EMX1: variants seen among roughly 807,000 people sequenced by gnomAD.
EMX1 encodes empty spiracles homeobox 1, also known as homeobox protein EMX1.
EMX1 carries 10 observed loss-of-function variants against 20.1 expected under a neutral mutation model. That is an observed-to-expected ratio of 0.50 (90% CI 0.31 to 0.84). The LOEUF (loss-of-function observed/expected upper bound fraction) is 0.84. Ranked by LOEUF, EMX1 falls within the 40% of genes least tolerant of loss-of-function variation. EMX1 has a pLI of 0.05. For synonymous variants in EMX1, 250 were observed against 200.4 expected (o/e 1.25, Z -2.09); for missense variants, 424 against 431.9 (o/e 0.98, Z 0.16).
rs1039535488 is a variant in EMX1, at chr2:72,918,034, G to A, written c.182G>A (p.Gly61Asp). 4 of 1,418,380 alleles carry A rather than the reference G, an allele frequency of 2.8e-6. No homozygotes were observed. Among genetic ancestry groups the A allele is most frequent in the Non-Finnish European group, 3.7e-6 (4 of 1,095,634 alleles). 87.9% of individuals were successfully genotyped at this position (1,418,380 alleles called of 1,614,324 possible). ...KDGGTGGGTG[G>D]GGAGSHLLAA... ...GGCGGCACCGGCGGGGGCACTGGCG[G>A]CGGGGGCGCGGGCTCCCATCTCCTG... The change falls in exon 1 of 3, where the codon GGC becomes GAC. Residue 61 changes from glycine (G) to aspartate (D), a missense_variant. Physicochemically the swap from Gly to Asp is moderately conservative, Grantham distance 94. Transcript: ENST00000258106.
At chr2:72,925,519 C>CGAG (rs755958989) in intron 2 of EMX1, 261 of 1,288,660 alleles carry the variant, frequency 2.0e-4, no homozygotes, top group Admixed American at 2.5e-4. Context: ...TGCGTGCCGG[C>CGAG]CGGCTCCCAG....
At chr2:72,924,219 C>T in intron 1 of EMX1, 90 bp from the exon 2 acceptor site, 1 of 1,484,358 alleles carries the variant, frequency 6.7e-7, no homozygotes, top group East Asian at 2.5e-5. Context: ...GGGAGCAGGG[C>T]GCGAGGCCAG....
At chr2:72,927,644 C>T (rs1477916224) in intron 2 of EMX1, among the ~76,000 whole-genome samples, 3 of 152,184 alleles carry the variant, frequency 2.0e-5, no homozygotes, top group Non-Finnish European at 4.4e-5. Context: ...CTTAGGAAGT[C>T]CAGGATAGGG....
In EMX1 at chr2:72,918,281, C is replaced by T. The variant is rs750049034; in HGVS notation, c.429C>T (p.Pro143=). 1 of 1,576,460 alleles carries T rather than the reference C, an allele frequency of 6.3e-7. No homozygotes were observed. The highest frequency in any genetic ancestry group is 2.4e-5 in the East Asian group (1 of 41,722). Residue 143 remains proline, a synonymous_variant, in exon 1 of 3, where the codon CCC becomes CCT. Transcript: ENST00000258106. ...AGCTGGGCGCCTCCCCGCTGCAGCC[C>T]CCGCACTCCTTCTTCGGCGCCCAGC... ...AHQLGASPLQ[P]PHSFFGAQHR...
intron 2 of EMX1, among the ~76,000 whole-genome samples, chr2:72,927,607 A>T (rs973239546): frequency 6.6e-6 from 1 of 152,256 alleles, no homozygotes; most frequent in Admixed American, 6.5e-5. Context: ...TAAAATACAG[A>T]TTCCTGGGTT....
At chr2:72,924,567 G>C in intron 2 of EMX1, 74 bp downstream of exon 2, 1 of 1,446,816 alleles carries the variant, frequency 6.9e-7, no homozygotes, top group Non-Finnish European at 9.1e-7. Context: ...GTGCAGGAGA[G>C]GCCCTGAGCC....
intron 1 of EMX1, among the ~76,000 whole-genome samples, chr2:72,919,586 T>C (rs1269211252): frequency 6.6e-6 from 1 of 152,210 alleles, no homozygotes; most frequent in African/African-American, 2.4e-5. Context: ...AATTATCTCT[T>C]GACACTTTGA....
chr2:72,917,123 T>G (rs919820289), upstream of EMX1: 1 of 616,240 alleles, frequency 1.6e-6, no homozygotes, highest in African/African-American at 1.9e-5. Context: ...GGAAAACCAA[T>G]GTGTTGGACC....
intron 1 of EMX1, 62 bp downstream of exon 1, chr2:72,918,434 G>C: frequency 1.5e-6 from 2 of 1,349,470 alleles, no homozygotes; most frequent in Non-Finnish European, 1.9e-6. Flanking sequence ...GGCGATGCGG[G>C]GGAGGCTCGG....
rs765817538 is a variant in EMX1 at position 72,924,326 on chromosome 2, G to C, written c.538G>C (p.Asp180His). 1 of 1,572,416 alleles carries C rather than the reference G, an allele frequency of 6.4e-7. No individual in the cohort carries two copies. The highest frequency in any genetic ancestry group is 1.3e-5 in the African/African-American group (1 of 74,676). Reference sequence around the variant, plus strand: ...GGCCGCAGCCAGCGACGTGCCCCAGGACGGGCTGCTTCTGCACGGCCCCTT... The same window carrying C: ...GGCCGCAGCCAGCGACGTGCCCCAGCACGGGCTGCTTCTGCACGGCCCCTT... ...HRFQASDVPQDGLLLHGPFAR... is the reference protein window; with the variant it reads ...HRFQASDVPQHGLLLHGPFAR... Residue 180 changes from aspartate (D) to histidine (H), a missense_variant, in exon 2 of 3, where the codon GAC (aspartate) becomes CAC (histidine). Transcript: ENST00000258106.
chr2:72,916,732 G>C (rs1414653311), upstream of EMX1: 1 of 717,250 alleles, frequency 1.4e-6, no homozygotes, highest in Non-Finnish European at 2.6e-6. Flanking sequence ...CAGTGTCTCC[G>C]AGGCCCTGAC....
intron 1 of EMX1, 116 bp from the exon 2 acceptor site, chr2:72,924,193 A>G: frequency 1.5e-6 from 2 of 1,297,892 alleles, no homozygotes; most frequent in Non-Finnish European, 2.1e-6. Context: ...CAAGGAATGG[A>G]GAGGGCAGGG....
intron 1 of EMX1, chr2:72,923,596 T>A (rs1476895995): frequency 6.6e-6 from 1 of 152,440 alleles, no homozygotes; most frequent in Non-Finnish European, 1.5e-5. Context: ...TTCCAGGTGC[T>A]GCCTGGACCA....
rs761699295 is a variant in EMX1 at position 72,918,344 on chromosome 2, G to A, written c.492G>A (p.Arg164=). 1.3e-6 allele frequency: 2 copies of A among 1,508,710 alleles called. No homozygotes were observed. Among genetic ancestry groups the A allele is most frequent in the East Asian group, 5.4e-5 (2 of 37,182 alleles). 93.5% of individuals were successfully genotyped at this position (1,508,710 alleles called of 1,614,324 possible). A position where few individuals can be genotyped will look rare whatever the true frequency, so the allele number is the denominator to read the frequency against. ...DPLHFYPWVL[R]NRFFGHRFQA... Reference sequence around the variant, plus strand: ...TCCATTTCTACCCCTGGGTCCTGCGGAACCGCTTCTTCGGCCACCGCTTCC... The same window carrying A: ...TCCATTTCTACCCCTGGGTCCTGCGAAACCGCTTCTTCGGCCACCGCTTCC... Residue 164 remains arginine, a synonymous_variant, in exon 1 of 3, where the codon CGG becomes CGA. Coordinates refer to ENST00000258106, the MANE Select transcript of EMX1 (RefSeq NM_004097.3).
Position 72,933,957 on chromosome 2 carries a change from T to A in EMX1, c.*3T>A. 6.2e-7 allele frequency: 1 copy of A among 1,614,150 alleles called. No homozygotes were observed. On this transcript the variant is annotated 3_prime_UTR_variant, in exon 3 of 3. Coordinates refer to ENST00000258106, the MANE Select transcript of EMX1 (RefSeq NM_004097.3). ...TCGATGTCACCTCCAATGACTAGGGTGGGCAACCACAAACCCACGAGGGCA... is the reference window on the plus strand; with the variant it reads ...TCGATGTCACCTCCAATGACTAGGGAGGGCAACCACAAACCCACGAGGGCA...
In EMX1 at chr2:72,918,264, G is replaced by A; in HGVS notation, c.412G>A (p.Ala138Thr). The A allele has an allele frequency of 6.3e-7, 1 of 1,576,856 alleles. No individual in the cohort carries two copies. Among genetic ancestry groups the A allele is most frequent in the Non-Finnish European group, 8.5e-7 (1 of 1,172,096 alleles). ...LTVHPAHQLG[A>T]SPLQPPHSFF... ...CGTGCATCCGGCGCACCAGCTGGGCGCCTCCCCGCTGCAGCCCCCGCACTC... is the reference window on the plus strand; with the variant it reads ...CGTGCATCCGGCGCACCAGCTGGGCACCTCCCCGCTGCAGCCCCCGCACTC... The change falls in exon 1 of 3, where the codon GCC (alanine) becomes ACC (threonine). Residue 138 changes from alanine to threonine, a missense_variant. Ala to Thr is a moderately conservative substitution (Grantham distance 58). Coordinates refer to ENST00000258106, the MANE Select transcript of EMX1 (RefSeq NM_004097.3).
chr2:72,924,067 T>A (rs902588409), intron 1 of EMX1: 50 of 603,594 alleles, frequency 8.3e-5, no homozygotes, highest in Non-Finnish European at 7.8e-5. Flanking sequence ...AGAGCTGTTA[T>A]TCCCCGCGTT....
At chr2:72,924,283 T>C in intron 1 of EMX1, 26 bp from the exon 2 acceptor site, 2 of 1,554,860 alleles carry the variant, frequency 1.3e-6, no homozygotes, top group Non-Finnish European at 1.7e-6. Context: ...TACCTGCGTG[T>C]GTTGCCGTCG....
Position 72,930,695 on chromosome 2 carries a change from C to T in EMX1, c.706-3092C>T. Reference sequence around the variant, plus strand: ...AGCTCCTTTCCAGGGCCTGTTTTCTCTAGGGAAGGGGCTCTGAAGGATCCA... The same window carrying T: ...AGCTCCTTTCCAGGGCCTGTTTTCTTTAGGGAAGGGGCTCTGAAGGATCCA... On this transcript the variant is annotated intron_variant, in intron 2 of 2. Coordinates refer to ENST00000258106, the MANE Select transcript of EMX1 (RefSeq NM_004097.3). This position sits in a 1 kb window ranked among gnomAD's most constrained non-coding sequence, Gnocchi z 4.4. Among the ~76,000 whole-genome samples the T allele has an allele frequency of 6.6e-6, 1 of 152,136 alleles. No homozygotes were observed. Among genetic ancestry groups the T allele is most frequent in the African/African-American group, 2.4e-5 (1 of 41,438 alleles).
Sources: allele counts gnomAD v4.1 joint callset (sites outside exome capture counted in the v4.1 genomes callset), GRCh38; gene constraint gnomAD v4.1.1; non-coding constraint Gnocchi (gnomAD v3.1); transcripts MANE v1.5; gene names NCBI Gene and HGNC (gene_info 2026-07-23, HGNC 2026-07-21).